CCL28: variants seen among roughly 807,000 people sequenced by gnomAD.
The protein encoded by CCL28 is C-C motif chemokine ligand 28.
In CCL28, 4 loss-of-function variants were observed where a neutral mutation model predicts 7.1. That is an observed-to-expected ratio of 0.56 (90% CI 0.28 to 1.29). CCL28 has a LOEUF of 1.29. Ranked by LOEUF, CCL28 falls within the 50% of genes most tolerant of loss-of-function variation. The pLI, the probability that CCL28 is intolerant of heterozygous loss-of-function variation, is 0.11. For missense variants in CCL28, 151 were observed against 163.4 expected, an observed-to-expected ratio of 0.92 and a Z score of 0.41; for synonymous variants, 55 against 57.8, an observed-to-expected ratio of 0.95 and a Z score of 0.22.
chr5:43,410,120 T>G (rs1324121952), intron 1 of CCL28, among the ~76,000 whole-genome samples: 1 of 152,202 alleles, frequency 6.6e-6, no homozygotes, highest in African/African-American at 2.4e-5. Flanking sequence ...GCACAGGCCT[T>G]TTTCCTATTC....
chr5:43,392,402 C>T (rs1740611036), intron 1 of CCL28, among the ~76,000 whole-genome samples: 2 of 152,160 alleles, frequency 1.3e-5, no homozygotes, highest in Non-Finnish European at 2.9e-5. Context: ...CAGGTGTGAG[C>T]CACCATGCTG....
rs1445477627 is a variant in CCL28 at position 43,381,232 on chromosome 5, T to G, written c.*628A>C. 6.6e-6 allele frequency: 1 copy of G among 152,180 alleles called. No individual in the cohort carries two copies. The highest frequency in any genetic ancestry group is 1.5e-5 in the Non-Finnish European group (1 of 68,020). 9.4% of individuals were successfully genotyped at this position (152,180 alleles called of 1,614,324 possible). The stretch of plus-strand genomic sequence containing the variant: ...AGCAAATGTGACACAATATTAACAA[T>G]GATTAATATTGTGGTGAAAGATATA... On this transcript the variant is annotated 3_prime_UTR_variant, in exon 3 of 3. Coordinates refer to ENST00000361115, the MANE Select transcript of CCL28 (RefSeq NM_148672.3).
At chr5:43,363,520 G>C in the CCL28 span, among the ~76,000 whole-genome samples, 17 of 152,314 alleles carry the variant, frequency 1.1e-4, no homozygotes, top group Admixed American at 9.8e-4. Flanking sequence ...GTAAGGTCTT[G>C]AGCATTTTGG....
In CCL28 at chr5:43,379,576, G is replaced by A. The variant is rs1324822138; in HGVS notation, c.*2284C>T. The A allele has an allele frequency of 6.6e-6, 1 of 152,116 alleles. No individual in the cohort carries two copies. Among genetic ancestry groups the A allele is most frequent in the Non-Finnish European group, 1.5e-5 (1 of 68,040 alleles). The allele number at this position is 152,116 out of a possible 1,614,324, so 9.4% of individuals were successfully genotyped here. A position where few individuals can be genotyped will look rare whatever the true frequency, so the allele number is the denominator to read the frequency against. On this transcript the variant is annotated 3_prime_UTR_variant, in exon 3 of 3. Coordinates refer to ENST00000361115, the MANE Select transcript of CCL28 (RefSeq NM_148672.3). ...AGTCAATGAGGGATATTAGGCAAAG[G>A]CCAGTTTTGGTGGCATTTTAACCTA...
downstream of CCL28, among the ~76,000 whole-genome samples, chr5:43,377,743 T>TTTTTTTTTTTTTTTTA (rs1739941316): frequency 9.1e-6 from 1 of 110,214 alleles, no homozygotes; most frequent in Non-Finnish European, 1.9e-5. Flanking sequence ...TTTTTTTTTT[T>TTTTTTTTTTTTTTTTA]TTTTTTTGAG....
At chr5:43,404,556 G>A (rs1344016821) in intron 1 of CCL28, among the ~76,000 whole-genome samples, 1 of 152,156 alleles carries the variant, frequency 6.6e-6, no homozygotes. Context: ...GCAAAAACAT[G>A]CCAAATTGTA....
downstream of CCL28, among the ~76,000 whole-genome samples, chr5:43,372,305 C>T (rs892357030): frequency 6.6e-6 from 1 of 152,172 alleles, no homozygotes; most frequent in Non-Finnish European, 1.5e-5. Context: ...TTTCATGAGT[C>T]GTTGAAGAGG....
the CCL28 span, among the ~76,000 whole-genome samples, chr5:43,361,071 G>A: frequency 3.2e-4 from 49 of 152,228 alleles, no homozygotes; most frequent in Non-Finnish European, 5.6e-4. Flanking sequence ...AACATGCAGT[G>A]TTTGGTTTTC....
At chr5:43,409,974 C>G (rs1021878025) in intron 1 of CCL28, among the ~76,000 whole-genome samples, 1 of 152,192 alleles carries the variant, frequency 6.6e-6, no homozygotes. Context: ...CACCTGCTTC[C>G]TGATTTATGC....
At chr5:43,390,652 G>C (rs1188290808) in intron 1 of CCL28, among the ~76,000 whole-genome samples, 1 of 152,234 alleles carries the variant, frequency 6.6e-6, no homozygotes, top group Non-Finnish European at 1.5e-5. Flanking sequence ...CAGAGCAGCT[G>C]CCCAACAGAG....
At chr5:43,385,697 C>T (rs1290400419) in intron 2 of CCL28, among the ~76,000 whole-genome samples, 2 of 152,154 alleles carry the variant, frequency 1.3e-5, no homozygotes, top group African/African-American at 2.4e-5. Context: ...CATAACAACT[C>T]TGTATTTTTC....
rs572685759 is a variant in CCL28 at position 43,389,048 on chromosome 5, T to C, written c.65-572A>G. Among the ~76,000 whole-genome samples the C allele has an allele frequency of 1.4e-3, 216 of 152,292 alleles. 1 individual carries two copies. Among genetic ancestry groups the C allele is most frequent in the Admixed American group, 2.0e-3 (30 of 15,296 alleles). On this transcript the variant is annotated intron_variant, in intron 1 of 2. Coordinates refer to ENST00000361115, the MANE Select transcript of CCL28 (RefSeq NM_148672.3). ...GCCATACTGTATGATTCCCTTTATA[T>C]GAAAGATCCAGAATGGGCAAATCCA...
chr5:43,381,849 C>T lies in CCL28; in HGVS notation c.*11G>A. On this transcript the variant is annotated 3_prime_UTR_variant, in exon 3 of 3. Coordinates refer to ENST00000361115, the MANE Select transcript of CCL28 (RefSeq NM_148672.3). ...TGAGGAATTGTCTCTGTAGATTTATCTGTAGACTCTCTAATAAGGAGTTTT... is the reference window on the plus strand; with the variant it reads ...TGAGGAATTGTCTCTGTAGATTTATTTGTAGACTCTCTAATAAGGAGTTTT... 2 of 1,604,204 alleles carry T rather than the reference C, an allele frequency of 1.2e-6. No individual in the cohort carries two copies. Among genetic ancestry groups the T allele is most frequent in the Non-Finnish European group, 1.7e-6 (2 of 1,173,282 alleles).
At chr5:43,411,889 C>T (rs13190188) in intron 1 of CCL28, among the ~76,000 whole-genome samples, 2,055 of 152,312 alleles carry the variant, frequency 0.013, 44 homozygotes, top group East Asian at 0.11. Context: ...GACCGTTTAG[C>T]AGGTTGGGGT....
chr5:43,357,954 G>A, the CCL28 span, among the ~76,000 whole-genome samples: 44 of 152,318 alleles, frequency 2.9e-4, no homozygotes, highest in African/African-American at 1.0e-3. Context: ...TCAGGGACAG[G>A]CCTTGTTTCT....
the CCL28 span, among the ~76,000 whole-genome samples, chr5:43,364,990 G>A: frequency 2.1e-5 from 3 of 146,012 alleles, no homozygotes; most frequent in Non-Finnish European, 4.5e-5. Context: ...ACACCACACT[G>A]ATGGGTCTTG....
rs1740124115 is a variant in CCL28 at position 43,381,744 on chromosome 5, C to T, written c.*116G>A. The T allele has an allele frequency of 5.9e-6, 5 of 850,974 alleles. No homozygotes were observed. Among genetic ancestry groups the T allele is most frequent in the South Asian group, 1.9e-5 (1 of 52,346 alleles). 52.7% of individuals were successfully genotyped at this position (850,974 alleles called of 1,614,324 possible). A position where few individuals can be genotyped will look rare whatever the true frequency, so the allele number is the denominator to read the frequency against. On this transcript the variant is annotated 3_prime_UTR_variant, in exon 3 of 3. Coordinates refer to ENST00000361115, the MANE Select transcript of CCL28 (RefSeq NM_148672.3). The stretch of plus-strand genomic sequence containing the variant: ...GCACAATTGTTCATTTTTTAAAAAC[C>T]AATATTTTGTTTTGTTCTGTTGTCT...
At chr5:43,377,717 CTT>C (rs767834184), downstream of CCL28, among the ~76,000 whole-genome samples, 16 of 42,702 alleles carry the variant, frequency 3.7e-4, no homozygotes, top group Admixed American at 1.0e-3. Context: ...AGAACTTAAA[CTT>C]TTTTTTTTTT....
chr5:43,373,686 T>C (rs1199938233), downstream of CCL28, among the ~76,000 whole-genome samples: 1 of 152,180 alleles, frequency 6.6e-6, no homozygotes, highest in East Asian at 1.9e-4. Context: ...CAGGGCATCA[T>C]CTCCTTTCTT....
Sources: gnomAD v4.1 joint callset for allele counts (sites outside exome capture counted in the v4.1 genomes callset) on GRCh38, gnomAD v4.1.1 for gene constraint, MANE v1.5 for transcripts, NCBI Gene and HGNC (gene_info 2026-07-23, HGNC 2026-07-21) for gene names.